The following METTL25 variants were observed in gnomAD, a reference collection of about 807,000 sequenced individuals.
METTL25 encodes probable methyltransferase-like protein 25.
METTL25 carries 64 observed loss-of-function variants against 71.6 expected under a neutral mutation model. That is an observed-to-expected ratio of 0.89 (90% CI 0.73 to 1.10). The LOEUF is 1.10. METTL25 is among the 50% of genes least tolerant of loss of function. The pLI, the probability that METTL25 is intolerant of heterozygous loss-of-function variation, is 0.00. For missense variants in METTL25, 807 were observed against 707.0 expected, an observed-to-expected ratio of 1.14 and a Z score of -1.60; for synonymous variants, 287 against 250.3, an observed-to-expected ratio of 1.15 and a Z score of -1.38.
intron 5 of METTL25, among the ~76,000 whole-genome samples, chr12:82,404,213 G>T (rs1886883838): frequency 1.3e-5 from 2 of 151,898 alleles, no homozygotes; most frequent in African/African-American, 4.8e-5. Flanking sequence ...TGACTGTATA[G>T]AGATAGAATG....
At chr12:82,458,974 A>G (rs933931296) in intron 9 of METTL25, among the ~76,000 whole-genome samples, 3 of 152,180 alleles carry the variant, frequency 2.0e-5, no homozygotes, top group Non-Finnish European at 2.9e-5. Context: ...AGACATAATT[A>G]TAGGACTACA....
At chr12:82,388,521 G>A (rs1459763135) in intron 2 of METTL25, among the ~76,000 whole-genome samples, 2 of 151,914 alleles carry the variant, frequency 1.3e-5, no homozygotes, top group Non-Finnish European at 2.9e-5. Flanking sequence ...CTGCTGACTG[G>A]CAATAAATGA....
At chr12:82,447,547 TAGG>T (rs1384694342) in intron 8 of METTL25, among the ~76,000 whole-genome samples, 2 of 152,102 alleles carry the variant, frequency 1.3e-5, no homozygotes, top group African/African-American at 2.4e-5. Flanking sequence ...CTGAATAATT[TAGG>T]AGTATAAATA....
At chr12:82,463,419 T>C (rs1047022489) in intron 9 of METTL25, among the ~76,000 whole-genome samples, 1 of 152,106 alleles carries the variant, frequency 6.6e-6, no homozygotes, top group Non-Finnish European at 1.5e-5. Context: ...ATTTCATTAT[T>C]ATTTATGGCC....
intron 1 of METTL25, among the ~76,000 whole-genome samples, chr12:82,381,701 G>A (rs11115266): frequency 2.3e-3 from 346 of 152,188 alleles, no homozygotes; most frequent in East Asian, 0.022. Context: ...TTTAGCTTTC[G>A]GTTAAGCTGT....
At chr12:82,450,521 A>G (rs1378633531) in intron 8 of METTL25, among the ~76,000 whole-genome samples, 11 of 152,086 alleles carry the variant, frequency 7.2e-5, no homozygotes, top group African/African-American at 2.4e-4. Context: ...TTTGCTCACT[A>G]TAGCCTATTC....
chr12:82,472,041 T>G (rs1233666119), intron 9 of METTL25, among the ~76,000 whole-genome samples: 1 of 152,242 alleles, frequency 6.6e-6, no homozygotes, highest in Admixed American at 6.5e-5. Flanking sequence ...TGTTTTTTGT[T>G]TTTGATTCTT....
At chr12:82,452,612 C>A (rs1243353088) in intron 8 of METTL25, among the ~76,000 whole-genome samples, 2 of 152,164 alleles carry the variant, frequency 1.3e-5, no homozygotes, top group Non-Finnish European at 2.9e-5. Flanking sequence ...TACAAAAGAG[C>A]AATTACATTC....
intron 4 of METTL25, among the ~76,000 whole-genome samples, chr12:82,400,328 T>TC (rs1282705646): frequency 1.4e-5 from 2 of 138,200 alleles, no homozygotes; most frequent in Non-Finnish European, 3.2e-5. Flanking sequence ...CGAGACGGTG[T>TC]CCCCCCCAAC....
At position 82,462,401 on chromosome 12, in the gene METTL25, A is replaced by G. The variant is rs114805840; in HGVS notation, c.1572+5581A>G. Among the ~76,000 whole-genome samples, 1,486 of 152,050 alleles carry G rather than the reference A, an allele frequency of 9.8e-3. 23 individuals carry two copies. The highest frequency in any genetic ancestry group is 0.034 in the African/African-American group (1,404 of 41,476). On this transcript the variant is annotated intron_variant, in intron 9 of 11. Transcript: ENST00000248306. ...CCAAGCCTCTGGAATCCTCTGTACT[A>G]TGTTTTATTTCTATGAGATTAATGT...
At position 82,422,705 on chromosome 12, in the gene METTL25, A is replaced by T. The variant is rs184549392; in HGVS notation, c.1280-8188A>T. 1.8e-3 allele frequency among the ~76,000 whole-genome samples: 269 copies of T among 152,342 alleles called. 6 individuals are homozygous for T. The Middle Eastern group carries it at 0.02, about 12-fold the overall frequency. On this transcript the variant is annotated intron_variant, in intron 5 of 11. Transcript: ENST00000248306. ...TAAGCAACTTCAGCAAAGTCTCAGG[A>T]TACAAAATCAATATGCAAAAATCAC...
intron 3 of METTL25, among the ~76,000 whole-genome samples, chr12:82,397,788 T>C (rs188308706): frequency 5.3e-5 from 8 of 152,254 alleles, no homozygotes; most frequent in Admixed American, 5.2e-4. Flanking sequence ...TTCCCATTGA[T>C]TTATATGTTT....
At chr12:82,452,562 C>A (rs1001320356) in intron 8 of METTL25, among the ~76,000 whole-genome samples, 1 of 152,116 alleles carries the variant, frequency 6.6e-6, no homozygotes, top group Non-Finnish European at 1.5e-5. Context: ...AAACTATAGA[C>A]CCTTCTAAAT....
intron 1 of METTL25, among the ~76,000 whole-genome samples, chr12:82,365,386 A>G (rs546461116): frequency 5.3e-5 from 8 of 152,346 alleles, no homozygotes; most frequent in South Asian, 2.1e-4. Flanking sequence ...AACAAGTATC[A>G]CTTCAGGTTA....
intron 5 of METTL25, among the ~76,000 whole-genome samples, chr12:82,411,488 A>G (rs118144420): frequency 0.019 from 2,891 of 152,074 alleles, 36 homozygotes; most frequent in Middle Eastern, 0.071. Flanking sequence ...ACCATTTACC[A>G]TAAAGTGGGG....
At chr12:82,382,447 C>G (rs1194862380) in intron 1 of METTL25, among the ~76,000 whole-genome samples, 1 of 152,120 alleles carries the variant, frequency 6.6e-6, no homozygotes, top group Non-Finnish European at 1.5e-5. Context: ...CTATTGAAGT[C>G]CTTGTAGTGG....
chr12:82,468,929 T>C (rs2137295394), intron 9 of METTL25: 1 of 152,276 alleles, frequency 6.6e-6, no homozygotes, highest in East Asian at 1.9e-4. Flanking sequence ...CAGTAGTTAT[T>C]TCACCTTCTC....
intron 8 of METTL25, among the ~76,000 whole-genome samples, chr12:82,441,272 C>T (rs975500032): frequency 4.3e-5 from 6 of 138,064 alleles, no homozygotes; most frequent in African/African-American, 1.6e-4. Flanking sequence ...AAATCTAAGC[C>T]TCAAATTATC....
At chr12:82,476,871 G>A (rs1892909854) in intron 10 of METTL25, among the ~76,000 whole-genome samples, 153 bp downstream of exon 10, 1 of 151,724 alleles carries the variant, frequency 6.6e-6, no homozygotes, top group Non-Finnish European at 1.5e-5. Flanking sequence ...GACTATATTA[G>A]GTGTCAGTAA....
Sources: gnomAD v4.1 joint callset for allele counts (sites outside exome capture counted in the v4.1 genomes callset) on GRCh38, gnomAD v4.1.1 for gene constraint, MANE v1.5 for transcripts, NCBI Gene and HGNC (gene_info 2026-07-23, HGNC 2026-07-21) for gene names.